The following KAT7 variants were observed in gnomAD, a reference collection of about 807,000 sequenced individuals.
The protein encoded by KAT7 is lysine acetyltransferase 7.
In KAT7, 10 loss-of-function variants were observed where a neutral mutation model predicts 82.1. The ratio of observed to expected loss-of-function variants is 0.12; its 90% CI spans 0.08 to 0.21. The LOEUF is 0.21. KAT7 is among the 10% of genes least tolerant of loss of function. The pLI, the probability that KAT7 is intolerant of heterozygous loss-of-function variation, is 1.00. For missense variants in KAT7, 378 were observed against 760.9 expected, an observed-to-expected ratio of 0.50 and a Z score of 5.92; for synonymous variants, 250 against 262.5, an observed-to-expected ratio of 0.95 and a Z score of 0.46.
Position 49,826,095 on chromosome 17 carries a change from G to A in KAT7, c.1576G>A (p.Val526Ile), listed in dbSNP as rs2074365675. The A allele has an allele frequency of 3.1e-6, 5 of 1,614,030 alleles. No homozygotes were observed. Among genetic ancestry groups the A allele is most frequent in the South Asian group, 2.2e-5 (2 of 91,076 alleles). ...AAGCTATCGCAGTTACTGGAAAGAA[G>A]TACTTCTCCGCTACCTGCATAATTT... ...LISYRSYWKEVLLRYLHNFQG... is the reference protein window; with the variant it reads ...LISYRSYWKEILLRYLHNFQG... Residue 526 changes from valine to isoleucine, a missense_variant, in exon 13 of 15, where the codon GTA becomes ATA. Physicochemically the swap from Val to Ile is conservative, Grantham distance 29. Transcript: ENST00000259021.
At chr17:49,789,893 C>T (rs1157769648) in intron 1 of KAT7, 1 of 151,966 alleles carries the variant, frequency 6.6e-6, no homozygotes, top group Admixed American at 6.6e-5. Flanking sequence ...TTGGTAAAAG[C>T]CACAGAGAAG....
At chr17:49,788,890 A>C in intron 1 of KAT7, 41 bp downstream of exon 1, 1 of 1,547,290 alleles carries the variant, frequency 6.5e-7, no homozygotes, top group Non-Finnish European at 8.8e-7. Context: ...TTCTAAGGAC[A>C]GTCGATTGAG....
chr17:49,797,424 C>T (rs146710806), intron 3 of KAT7, among the ~76,000 whole-genome samples: 2 of 152,228 alleles, frequency 1.3e-5, no homozygotes, highest in Non-Finnish European at 2.9e-5. Flanking sequence ...TCCAGAGTAG[C>T]TGGAGTATAT....
chr17:49,833,969 G>A lies in KAT7; in HGVS notation c.*6467G>A, dbSNP rs1442471749. ...GCTACCACCTTGTGCAATTCCAGGG[G>A]ACACTGTTTATGTTCCGTGTAAATG... is the stretch of plus-strand genomic sequence containing the variant. On this transcript the variant is annotated 3_prime_UTR_variant, in exon 15 of 15. Transcript: ENST00000259021. The A allele has an allele frequency of 1.3e-5, 2 of 152,166 alleles. No individual in the cohort carries two copies. The highest frequency in any genetic ancestry group is 4.8e-5 in the African/African-American group (2 of 41,434). 9.4% of individuals were successfully genotyped at this position (152,166 alleles called of 1,614,324 possible).
At chr17:49,799,363 C>T (rs529253579) in intron 4 of KAT7, among the ~76,000 whole-genome samples, 23 of 152,186 alleles carry the variant, frequency 1.5e-4, no homozygotes, top group African/African-American at 5.3e-4. Flanking sequence ...CAACAGTACA[C>T]TTCCTGTAGT....
chr17:49,822,639 T>A (rs753603245), intron 11 of KAT7, among the ~76,000 whole-genome samples: 9 of 152,198 alleles, frequency 5.9e-5, no homozygotes, highest in Non-Finnish European at 1.3e-4. Context: ...TATAGTGTAT[T>A]CACAGAGTTG....
At chr17:49,817,630 C>G (rs1229295959) in intron 8 of KAT7, among the ~76,000 whole-genome samples, 190 bp from the exon 9 acceptor site, 1 of 152,114 alleles carries the variant, frequency 6.6e-6, no homozygotes, top group African/African-American at 2.4e-5. Flanking sequence ...CCACACCTTG[C>G]TAATTGTTGT....
chr17:49,823,415 TA>T (rs2074329891), intron 12 of KAT7, 120 bp downstream of exon 12: 2 of 647,142 alleles, frequency 3.1e-6, no homozygotes, highest in Admixed American at 2.7e-5. Context: ...GGATATTTAG[TA>T]AATGAATGAA....
At chr17:49,812,445 G>C (rs777390195) in intron 7 of KAT7, among the ~76,000 whole-genome samples, 5 of 151,818 alleles carry the variant, frequency 3.3e-5, no homozygotes, top group Admixed American at 2.6e-4. Flanking sequence ...GGCTGGTCTC[G>C]AACTCCTGAC....
intron 4 of KAT7, among the ~76,000 whole-genome samples, chr17:49,800,530 C>CT (rs2074011818): frequency 6.6e-6 from 1 of 152,124 alleles, no homozygotes; most frequent in South Asian, 2.1e-4. Context: ...AGGGGATCTG[C>CT]TTGCCATGCA....
At chr17:49,816,833 A>G (rs976071155) in intron 8 of KAT7, among the ~76,000 whole-genome samples, 3 of 151,302 alleles carry the variant, frequency 2.0e-5, no homozygotes, top group Admixed American at 6.6e-5. Flanking sequence ...TTTTTCTGAG[A>G]CAGGGTTTTG....
chr17:49,791,549 T>C (rs977018051), intron 1 of KAT7, among the ~76,000 whole-genome samples: 1 of 152,120 alleles, frequency 6.6e-6, no homozygotes, highest in Non-Finnish European at 1.5e-5. Context: ...TCCCAGCTAC[T>C]CGGGAGGCTG....
intron 9 of KAT7, among the ~76,000 whole-genome samples, chr17:49,818,685 G>A (rs1360303402): frequency 6.6e-6 from 1 of 151,138 alleles, no homozygotes; most frequent in Non-Finnish European, 1.5e-5. Context: ...TGGAGCAAGG[G>A]TGCGGAACAG....
chr17:49,803,161 T>A (rs1049979452), intron 4 of KAT7, among the ~76,000 whole-genome samples: 2 of 151,778 alleles, frequency 1.3e-5, no homozygotes, highest in Admixed American at 6.6e-5. Flanking sequence ...CAGGCTGGAG[T>A]GCAATGATGT....
chr17:49,816,156 T>C (rs2074231824), intron 8 of KAT7, among the ~76,000 whole-genome samples: 1 of 152,162 alleles, frequency 6.6e-6, no homozygotes, highest in Non-Finnish European at 1.5e-5. Flanking sequence ...AGTACCAGTT[T>C]GGCTAGAGCT....
chr17:49,809,288 T>G, intron 6 of KAT7, 80 bp downstream of exon 6: 1 of 955,964 alleles, frequency 1.0e-6, no homozygotes, highest in Non-Finnish European at 1.7e-6. Flanking sequence ...TCTTCAGGCA[T>G]GTCTGTGCCT....
chr17:49,818,518 T>C (rs1351781798), intron 9 of KAT7, among the ~76,000 whole-genome samples: 1 of 152,216 alleles, frequency 6.6e-6, no homozygotes, highest in African/African-American at 2.4e-5. Context: ...GGTCCTTTGG[T>C]GCCTTCCCCT....
intron 9 of KAT7, among the ~76,000 whole-genome samples, chr17:49,821,086 C>T (rs1397763104): frequency 6.6e-6 from 1 of 152,076 alleles, no homozygotes; most frequent in African/African-American, 2.4e-5. Context: ...ATCTCCTGGG[C>T]TAAAGTAGTG....
chr17:49,798,676 G>A, intron 4 of KAT7, 118 bp downstream of exon 4: 2 of 1,037,322 alleles, frequency 1.9e-6, no homozygotes, highest in Non-Finnish European at 2.8e-6. Flanking sequence ...GTGGTCATGT[G>A]CTGAGTGATA....
Sources: allele counts gnomAD v4.1 joint callset (sites outside exome capture counted in the v4.1 genomes callset), GRCh38; gene constraint gnomAD v4.1.1; transcripts MANE v1.5; gene names NCBI Gene and HGNC (gene_info 2026-07-23, HGNC 2026-07-21).